Variants in CNNM1 observed in about 807,000 individuals in gnomAD.
CNNM1 encodes cyclin and CBS domain divalent metal cation transport mediator 1.
CNNM1 carries 44 observed loss-of-function variants against 78.8 expected under a neutral mutation model. The observed-to-expected ratio is 0.56, with a 90% CI of 0.44 to 0.72. The LOEUF is 0.72. Ranked by LOEUF, CNNM1 falls within the 30% of genes least tolerant of loss-of-function variation. The pLI, the probability that CNNM1 is intolerant of heterozygous loss-of-function variation, is 0.00. For synonymous variants in CNNM1, 584 were observed against 581.5 expected (o/e 1.00, Z -0.06); for missense variants, 1,101 against 1,292.2 (o/e 0.85, Z 2.27).
Position 99,390,339 on chromosome 10 carries a change from A to C in CNNM1, c.2708A>C (p.Asp903Ala), listed in dbSNP as rs1407373619. 7 of 1,613,282 alleles carry C rather than the reference A, an allele frequency of 4.3e-6. No homozygotes were observed. The highest frequency in any genetic ancestry group is 5.9e-6 in the Non-Finnish European group (7 of 1,179,654). The change falls in exon 10 of 11, where the codon GAT (aspartate) becomes GCT (alanine). Residue 903 changes from aspartate to alanine, a missense_variant. Coordinates refer to ENST00000356713, the MANE Select transcript of CNNM1 (RefSeq NM_020348.3). ...SDSECCNINL[D>A]TETSPCSSDF... ...AGTGAATGTTGTAACATCAACCTGG[A>C]TACAGAGACCAGCCCCTGCAGTAGC...
intron 6 of CNNM1, chr10:99,365,275 C>T (rs184105453): frequency 1.5e-5 from 9 of 581,740 alleles, no homozygotes; most frequent in African/African-American, 1.5e-4. Flanking sequence ...TGCTTATTGC[C>T]ACCTTCCAGT....
intron 2 of CNNM1, 124 bp downstream of exon 2, chr10:99,357,779 C>T (rs927788000): frequency 7.0e-6 from 6 of 856,212 alleles, no homozygotes; most frequent in Non-Finnish European, 9.8e-6. Context: ...TGTGTGTCAG[C>T]CACCTATGCC....
intron 4 of CNNM1, among the ~76,000 whole-genome samples, chr10:99,364,039 G>A (rs900006299): frequency 6.6e-5 from 10 of 151,994 alleles, no homozygotes; most frequent in African/African-American, 1.9e-4. Flanking sequence ...CACCGCACTC[G>A]GCCTAGATTT....
intron 1 of CNNM1, among the ~76,000 whole-genome samples, chr10:99,344,578 T>G (rs866351978): frequency 6.6e-5 from 10 of 150,922 alleles, no homozygotes; most frequent in Non-Finnish European, 1.2e-4. Flanking sequence ...TTACTTTGGG[T>G]AGGGCCCAGG....
intron 1 of CNNM1, among the ~76,000 whole-genome samples, chr10:99,344,087 C>G (rs1392738475): frequency 6.7e-6 from 1 of 149,186 alleles, no homozygotes; most frequent in Non-Finnish European, 1.5e-5. Flanking sequence ...AATCCCAGCA[C>G]TTTGGGAGGC....
chr10:99,359,311 G>C (rs1424013342), intron 2 of CNNM1, among the ~76,000 whole-genome samples: 1 of 152,188 alleles, frequency 6.6e-6, no homozygotes, highest in East Asian at 1.9e-4. Flanking sequence ...GAGCGAAAGA[G>C]CTGGGCTAAT....
Position 99,382,485 on chromosome 10 carries a change from A to G in CNNM1, c.2340+5267A>G, listed in dbSNP as rs1448004334. Among the ~76,000 whole-genome samples the G allele has an allele frequency of 3.3e-5, 5 of 152,310 alleles. No individual in the cohort carries two copies. The East Asian group carries it at 9.7e-4, about 29-fold the overall frequency. ...CAACATCATACCATGATAGGAGGCC[A>G]GGTGCAGTGGCTCACACCTGTAATC... On this transcript the variant is annotated intron_variant, in intron 7 of 10. Coordinates refer to ENST00000356713, the MANE Select transcript of CNNM1 (RefSeq NM_020348.3).
intron 1 of CNNM1, 129 bp from the exon 2 acceptor site, chr10:99,357,383 T>G: frequency 1.3e-6 from 1 of 746,748 alleles, no homozygotes; most frequent in Non-Finnish European, 2.0e-6. Flanking sequence ...AAACTTCATA[T>G]TTTAAGGAGG....
At chr10:99,356,603 AG>A (rs1246915367) in intron 1 of CNNM1, among the ~76,000 whole-genome samples, 1 of 139,886 alleles carries the variant, frequency 7.1e-6, no homozygotes, top group Non-Finnish European at 1.5e-5. Context: ...AAAGAAAGAA[AG>A]AAAAGAAAGA....
intron 1 of CNNM1, among the ~76,000 whole-genome samples, chr10:99,334,132 G>A (rs1589882189): frequency 6.6e-6 from 1 of 152,188 alleles, no homozygotes; most frequent in Non-Finnish European, 1.5e-5. Context: ...AAGCTGCCAG[G>A]TGGCTCCTAT....
intron 2 of CNNM1, among the ~76,000 whole-genome samples, chr10:99,358,664 G>T (rs1444618142): frequency 6.6e-6 from 1 of 152,126 alleles, no homozygotes; most frequent in African/African-American, 2.4e-5. Context: ...AGAGAGTCAT[G>T]GCACCTCCCT....
chr10:99,340,876 T>TCCTTCCTG (rs71009744), intron 1 of CNNM1, among the ~76,000 whole-genome samples: 19 of 138,256 alleles, frequency 1.4e-4, no homozygotes, highest in East Asian at 1.3e-3. Flanking sequence ...CTTCCTTCCT[T>TCCTTCCTG]CCTGCCTGCC....
intron 9 of CNNM1, among the ~76,000 whole-genome samples, chr10:99,390,031 G>A (rs1319166565): frequency 6.6e-6 from 1 of 152,226 alleles, no homozygotes; most frequent in Non-Finnish European, 1.5e-5. Flanking sequence ...GCCAAACAGT[G>A]TTTGAGAAGA....
At chr10:99,352,896 G>A (rs979114065) in intron 1 of CNNM1, among the ~76,000 whole-genome samples, 2 of 146,380 alleles carry the variant, frequency 1.4e-5, no homozygotes, top group Non-Finnish European at 3.0e-5. Context: ...TTGTGTTTTG[G>A]GTGTCCTAAG....
At chr10:99,339,488 A>G (rs1332284090) in intron 1 of CNNM1, among the ~76,000 whole-genome samples, 1 of 152,166 alleles carries the variant, frequency 6.6e-6, no homozygotes, top group Non-Finnish European at 1.5e-5. Flanking sequence ...GGCAAGCATT[A>G]CTGTCTGAGC....
In CNNM1 at chr10:99,332,882, A is replaced by G. The variant is rs531463953; in HGVS notation, c.1573+1922A>G. 9.9e-5 allele frequency among the ~76,000 whole-genome samples: 15 copies of G among 152,254 alleles called. 1 individual carries two copies. The East Asian group carries it at 2.9e-3, about 29-fold the overall frequency. On this transcript the variant is annotated intron_variant, in intron 1 of 10. Transcript: ENST00000356713. ...CCTTGCATTCATAGTTCCCACTGCA[A>G]CTTGAGGTTCATCTATCCACTCTTA...
At chr10:99,375,310 A>T (rs2031928068) in intron 6 of CNNM1, among the ~76,000 whole-genome samples, 1 of 152,122 alleles carries the variant, frequency 6.6e-6, no homozygotes, top group Admixed American at 6.5e-5. Context: ...AAGTGGGGAG[A>T]CTGTGGTCCA....
chr10:99,372,975 T>A (rs1375921726), intron 6 of CNNM1, among the ~76,000 whole-genome samples: 2 of 152,164 alleles, frequency 1.3e-5, no homozygotes, highest in African/African-American at 4.8e-5. Context: ...AAAAAAGACA[T>A]GTTTTTCCTC....
At chr10:99,334,764 G>A (rs956642526) in intron 1 of CNNM1, among the ~76,000 whole-genome samples, 4 of 152,058 alleles carry the variant, frequency 2.6e-5, no homozygotes, top group South Asian at 2.1e-4. Context: ...AAATCCCTTC[G>A]AAGGTAGAAG....
Sources: allele counts gnomAD v4.1 joint callset (sites outside exome capture counted in the v4.1 genomes callset), GRCh38; gene constraint gnomAD v4.1.1; transcripts MANE v1.5; gene names NCBI Gene and HGNC (gene_info 2026-07-23, HGNC 2026-07-21).